Variants in KCNQ5 observed in about 807,000 individuals in gnomAD.
KCNQ5 encodes the protein potassium voltage-gated channel subfamily KQT member 5.
A neutral mutation model predicts 98.2 loss-of-function variants in KCNQ5; 30 were observed. That is an observed-to-expected ratio of 0.31 (90% CI 0.23 to 0.41). KCNQ5 has a LOEUF of 0.41. KCNQ5 is among the 10% of genes least tolerant of loss of function. KCNQ5 has a pLI of 1.00. For missense variants in KCNQ5, 835 were observed against 1,182.5 expected, an observed-to-expected ratio of 0.71 and a Z score of 4.31; for synonymous variants, 458 against 449.4, an observed-to-expected ratio of 1.02 and a Z score of -0.24.
intron 2 of KCNQ5, 111 bp downstream of exon 2, chr6:73,004,109 G>A: frequency 3.3e-6 from 2 of 607,630 alleles, no homozygotes; most frequent in Admixed American, 5.8e-5. Context: ...AAGAGTTACT[G>A]AGAAATATAA....
intron 2 of KCNQ5, among the ~76,000 whole-genome samples, chr6:73,036,229 G>A (rs975061626): frequency 1.4e-4 from 21 of 151,490 alleles, no homozygotes; most frequent in Middle Eastern, 6.8e-3. Context: ...TACTAAAAAT[G>A]CAAAAAATTA....
intron 1 of KCNQ5, among the ~76,000 whole-genome samples, chr6:72,725,352 A>G (rs1260844816): frequency 6.6e-6 from 1 of 152,216 alleles, no homozygotes; most frequent in Non-Finnish European, 1.5e-5. Flanking sequence ...ATGATTAATC[A>G]TATTAATTGT....
intron 9 of KCNQ5, among the ~76,000 whole-genome samples, chr6:73,127,475 A>C (rs7775477): frequency 4.0e-4 from 61 of 151,944 alleles, no homozygotes; most frequent in African/African-American, 1.4e-3. Flanking sequence ...GATGAACTCA[A>C]CACAGCAGCC....
At chr6:72,742,804 C>G (rs1427242434) in intron 1 of KCNQ5, among the ~76,000 whole-genome samples, 1 of 152,064 alleles carries the variant, frequency 6.6e-6, no homozygotes, top group Non-Finnish European at 1.5e-5. Context: ...AGAGTCAACT[C>G]CAAATGCAGA....
intron 1 of KCNQ5, among the ~76,000 whole-genome samples, chr6:72,770,527 A>G (rs1361125340): frequency 6.6e-6 from 1 of 152,188 alleles, no homozygotes; most frequent in Non-Finnish European, 1.5e-5. Context: ...TTGTTTTTAA[A>G]AACAGAATCT....
intron 1 of KCNQ5, among the ~76,000 whole-genome samples, chr6:72,735,959 G>A (rs1401610368): frequency 6.6e-6 from 1 of 151,974 alleles, no homozygotes; most frequent in Non-Finnish European, 1.5e-5. Context: ...GGCAGAATGT[G>A]TATAGCTAGT....
chr6:73,156,791 G>T (rs1008533629), intron 10 of KCNQ5, among the ~76,000 whole-genome samples: 2 of 152,220 alleles, frequency 1.3e-5, no homozygotes, highest in African/African-American at 4.8e-5. Flanking sequence ...GGTTTGGAAA[G>T]AATGAGGAGC....
chr6:73,143,666 G>A (rs1776807639), intron 10 of KCNQ5, among the ~76,000 whole-genome samples: 2 of 152,150 alleles, frequency 1.3e-5, no homozygotes, highest in African/African-American at 4.8e-5. Context: ...GTATTTGAGG[G>A]CTGCTACTCA....
intron 1 of KCNQ5, among the ~76,000 whole-genome samples, chr6:72,888,922 C>T (rs926198082): frequency 5.3e-5 from 8 of 152,038 alleles, no homozygotes; most frequent in African/African-American, 1.9e-4. Flanking sequence ...CTTCATGGAG[C>T]CCACAGTCTG....
At chr6:72,814,484 C>G (rs905342580) in intron 1 of KCNQ5, among the ~76,000 whole-genome samples, 1 of 152,216 alleles carries the variant, frequency 6.6e-6, no homozygotes, top group African/African-American at 2.4e-5. Context: ...TAGCTCACTC[C>G]TGTAAAGAGC....
intron 1 of KCNQ5, among the ~76,000 whole-genome samples, chr6:72,782,930 A>G: frequency 6.6e-6 from 1 of 152,224 alleles, no homozygotes; most frequent in Non-Finnish European, 1.5e-5. Flanking sequence ...CCCAGGAATT[A>G]TAAGGAGTAA....
At position 73,148,187 on chromosome 6, in the gene KCNQ5, C is replaced by T. The variant is rs554051186; in HGVS notation, c.1468+14546C>T. Among the ~76,000 whole-genome samples, 8 of 152,194 alleles carry T rather than the reference C, an allele frequency of 5.3e-5. No homozygotes were observed. The South Asian group carries it at 1.7e-3, about 32-fold the overall frequency. On this transcript the variant is annotated intron_variant, in intron 10 of 13. Coordinates refer to ENST00000370398, the MANE Select transcript of KCNQ5 (RefSeq NM_019842.4). ...CACCGTCACTCAAAACAGAGAAATT[C>T]CTTTTAATTAAATGTCAGGAAGTAT...
At chr6:72,659,485 C>T (rs1279434892) in intron 1 of KCNQ5, among the ~76,000 whole-genome samples, 1 of 152,190 alleles carries the variant, frequency 6.6e-6, no homozygotes, top group East Asian at 1.9e-4. Context: ...AAATTTATTT[C>T]TCAGATTTCT....
chr6:72,673,526 G>A (rs1767245938), intron 1 of KCNQ5, among the ~76,000 whole-genome samples: 1 of 152,142 alleles, frequency 6.6e-6, no homozygotes, highest in Non-Finnish European at 1.5e-5. Flanking sequence ...CAAGAAAAAA[G>A]AGGTAGACTA....
chr6:72,624,622 A>G (rs1396315622), intron 1 of KCNQ5, among the ~76,000 whole-genome samples: 7 of 152,238 alleles, frequency 4.6e-5, no homozygotes, highest in Admixed American at 4.6e-4. Flanking sequence ...TTCTCTGTCT[A>G]CCAGGCTTTA....
chr6:72,995,158 C>T (rs1465295522), intron 1 of KCNQ5, among the ~76,000 whole-genome samples: 1 of 152,116 alleles, frequency 6.6e-6, no homozygotes, highest in Non-Finnish European at 1.5e-5. Context: ...CACTTCAGGT[C>T]AGGAGTTCAA....
At chr6:72,642,769 A>C (rs533494621) in intron 1 of KCNQ5, among the ~76,000 whole-genome samples, 2 of 152,284 alleles carry the variant, frequency 1.3e-5, no homozygotes, top group South Asian at 2.1e-4. Flanking sequence ...TATGTACCCA[A>C]AGGAATATAA....
intron 1 of KCNQ5, among the ~76,000 whole-genome samples, chr6:72,674,206 C>T (rs1297336471): frequency 6.6e-6 from 1 of 151,766 alleles, no homozygotes; most frequent in Non-Finnish European, 1.5e-5. Context: ...GTCCATCATC[C>T]AATGTTTTGA....
intron 10 of KCNQ5, among the ~76,000 whole-genome samples, chr6:73,144,901 A>T (rs1776860371): frequency 6.6e-6 from 1 of 152,220 alleles, no homozygotes; most frequent in Non-Finnish European, 1.5e-5. Flanking sequence ...AACCTATCAC[A>T]GTATAATGTC....
Sources: allele counts gnomAD v4.1 joint callset (sites outside exome capture counted in the v4.1 genomes callset), GRCh38; gene constraint gnomAD v4.1.1; transcripts MANE v1.5; gene names NCBI Gene and HGNC (gene_info 2026-07-23, HGNC 2026-07-21).